Variants in SNRPN observed in about 807,000 individuals in gnomAD.
The protein encoded by SNRPN is small nuclear ribonucleoprotein polypeptide N.
In SNRPN, 7 loss-of-function variants were observed where a neutral mutation model predicts 25.2. The ratio of observed to expected loss-of-function variants is 0.28; its 90% CI spans 0.16 to 0.52. The LOEUF is 0.52. SNRPN is among the 20% of genes least tolerant of loss of function. SNRPN has a pLI of 0.96. For missense variants in SNRPN, 196 were observed against 322.5 expected, an observed-to-expected ratio of 0.61 and a Z score of 3.00; for synonymous variants, 124 against 110.6, an observed-to-expected ratio of 1.12 and a Z score of -0.76.
intron 2 of SNRPN, among the ~76,000 whole-genome samples, chr15:24,834,751 C>CTATA (rs796257838): frequency 3.9e-4 from 24 of 60,948 alleles, no homozygotes; most frequent in South Asian, 1.5e-3. Flanking sequence ...CTCTCTCTCT[C>CTATA]TATATATATA....
rs184110624 is a variant in SNRPN at position 24,956,670 on chromosome 15, A to T, written c.-391+1608A>T. Among the ~76,000 whole-genome samples, 1,521 of 152,290 alleles carry T rather than the reference A, an allele frequency of 1.0e-2. 17 individuals are homozygous for T. The highest frequency in any genetic ancestry group is 0.017 in the Middle Eastern group (5 of 294). On this transcript the variant is annotated intron_variant, in intron 1 of 9. Coordinates refer to ENST00000390687, the MANE Select transcript of SNRPN (RefSeq NM_003097.6). ...CTCCCCTTCACCTGGCTGATACAGC[A>T]GCTGTTCCTTTCCGGTTGTGGCGCA...
chr15:24,856,148 C>T (rs1414996998), upstream of SNRPN, among the ~76,000 whole-genome samples: 1 of 152,144 alleles, frequency 6.6e-6, no homozygotes, highest in Non-Finnish European at 1.5e-5. Flanking sequence ...AGGGCCTTCT[C>T]TTAGCCAAGT....
chr15:24,882,748 C>T (rs1229817894), intron 1 of SNRPN, among the ~76,000 whole-genome samples: 1 of 151,394 alleles, frequency 6.6e-6, no homozygotes, highest in Non-Finnish European at 1.5e-5. Flanking sequence ...CGCTTGAACC[C>T]AGGAGGCAGA....
chr15:24,946,311 G>T (rs1287357822), intron 3 of SNRPN, among the ~76,000 whole-genome samples: 4 of 152,166 alleles, frequency 2.6e-5, no homozygotes, highest in African/African-American at 9.7e-5. Context: ...GAAGGCTGAG[G>T]TGGGAGGATA....
rs1350112237 is a variant in SNRPN, at chr15:24,842,912, C to A, written c.-579+13007C>A. Among the ~76,000 whole-genome samples, 3 of 152,146 alleles carry A rather than the reference C, an allele frequency of 2.0e-5. No individual in the cohort carries two copies. In the South Asian group the frequency reaches 6.2e-4, roughly 31 times the overall value. ...TTTTGGAAATTATTGATATCTATCT[C>A]CATAACTTTGCCTTTTACAGAATGT... is the stretch of plus-strand genomic sequence containing the variant. On this transcript the variant is annotated intron_variant, in intron 2 of 12. Transcript: ENST00000400100.
At chr15:24,931,807 G>A (rs538448915) in intron 3 of SNRPN, among the ~76,000 whole-genome samples, 1 of 114,870 alleles carries the variant, frequency 8.7e-6, no homozygotes, top group East Asian at 3.0e-4. Context: ...CCACTTTACT[G>A]TAGCCTGGGT....
chr15:24,903,640 A>C (rs1041306960), intron 2 of SNRPN, among the ~76,000 whole-genome samples: 1 of 152,186 alleles, frequency 6.6e-6, no homozygotes, highest in Non-Finnish European at 1.5e-5. Context: ...GGTATCAAGA[A>C]AATAAAAGGC....
In SNRPN at chr15:24,909,338, G is replaced by A; in HGVS notation, c.-504-10673G>A. The A allele has an allele frequency of 8.1e-6, 13 of 1,602,938 alleles. No individual in the cohort carries two copies. In the South Asian group the frequency reaches 1.4e-4, roughly 18 times the overall value. On this transcript the variant is annotated intron_variant, in intron 2 of 11. Transcript: ENST00000400097. ...GCCTCCATCCACAGCTCCCTTCAGG[G>A]CACCAAAAACTTTATTGCCAGTGGT...
intron 2 of SNRPN, among the ~76,000 whole-genome samples, chr15:24,833,140 A>AAAC (rs1180447933): frequency 6.8e-6 from 1 of 146,256 alleles, no homozygotes; most frequent in Non-Finnish European, 1.5e-5. Flanking sequence ...AAGATGATGG[A>AAAC]AACAGAGTAG....
chr15:24,943,022 C>A (rs1038490046), intron 3 of SNRPN, among the ~76,000 whole-genome samples: 3 of 151,396 alleles, frequency 2.0e-5, no homozygotes, highest in African/African-American at 7.3e-5. Context: ...CCACAAATGT[C>A]TTTACCTTTT....
At chr15:24,863,858 T>C (rs1002459779) in intron 1 of SNRPN, among the ~76,000 whole-genome samples, 5 of 150,714 alleles carry the variant, frequency 3.3e-5, no homozygotes, top group Non-Finnish European at 7.4e-5. Context: ...TTCCAGTTAC[T>C]TTATCTTTTA....
intron 2 of SNRPN, among the ~76,000 whole-genome samples, chr15:24,891,223 C>A (rs2057640506): frequency 6.6e-6 from 1 of 151,668 alleles, no homozygotes; most frequent in Non-Finnish European, 1.5e-5. Flanking sequence ...GACAAGGTCT[C>A]AAAATGGCAT....
Position 24,964,801 on chromosome 15 carries a change from A to G in SNRPN, c.-295+2592A>G, listed in dbSNP as rs1486758906. Reference sequence around the variant, plus strand: ...CCTATGTAACCTCAGTGTGGACTAAATAACAGGTAGTCTCATCCTCATCTT... The same window carrying G: ...CCTATGTAACCTCAGTGTGGACTAAGTAACAGGTAGTCTCATCCTCATCTT... On this transcript the variant is annotated intron_variant, in intron 2 of 9. Transcript: ENST00000390687. Among the ~76,000 whole-genome samples the G allele has an allele frequency of 5.3e-5, 8 of 152,322 alleles. No individual in the cohort carries two copies. In the East Asian group the frequency reaches 1.4e-3, roughly 26 times the overall value.
chr15:24,864,120 G>A (rs766579349), intron 1 of SNRPN, among the ~76,000 whole-genome samples: 4 of 147,810 alleles, frequency 2.7e-5, no homozygotes, highest in Non-Finnish European at 4.4e-5. Flanking sequence ...TCCGCCTCCC[G>A]GGTTCACACT....
chr15:24,964,685 T>C (rs1397453995), intron 2 of SNRPN, among the ~76,000 whole-genome samples: 4 of 152,092 alleles, frequency 2.6e-5, no homozygotes, highest in African/African-American at 7.2e-5. Flanking sequence ...GAGATGGTGG[T>C]GGAGGTAGGG....
intron 3 of SNRPN, among the ~76,000 whole-genome samples, chr15:24,934,563 A>G (rs1032365041): frequency 1.4e-4 from 22 of 151,962 alleles, no homozygotes; most frequent in African/African-American, 5.1e-4. Flanking sequence ...TGATTCATTG[A>G]TTGATTATTA....
At chr15:24,849,794 T>C (rs2052640992) in intron 2 of SNRPN, 1 of 152,208 alleles carries the variant, frequency 6.6e-6, no homozygotes, top group Admixed American at 6.5e-5. Context: ...AGATTTAAGA[T>C]TGATCTAAAT....
intron 1 of SNRPN, among the ~76,000 whole-genome samples, chr15:24,884,078 G>A (rs1327843402): frequency 6.9e-6 from 1 of 144,366 alleles, no homozygotes; most frequent in Non-Finnish European, 1.5e-5. Context: ...TTGGGAGGCT[G>A]AAGCAGGAAG....
At chr15:24,842,633 C>T (rs904522113) in intron 2 of SNRPN, among the ~76,000 whole-genome samples, 1 of 152,142 alleles carries the variant, frequency 6.6e-6, no homozygotes, top group African/African-American at 2.4e-5. Context: ...GAGGAACAAA[C>T]CCCAGCTCTC....
Sources: allele counts gnomAD v4.1 joint callset (sites outside exome capture counted in the v4.1 genomes callset), GRCh38; gene constraint gnomAD v4.1.1; transcripts MANE v1.5; gene names NCBI Gene and HGNC (gene_info 2026-07-23, HGNC 2026-07-21).